PXDC1: variants seen among roughly 807,000 people sequenced by gnomAD.
The protein encoded by PXDC1 is PX domain-containing protein 1.
PXDC1 carries 13 observed loss-of-function variants against 24.4 expected under a neutral mutation model. That is an observed-to-expected ratio of 0.53 (90% CI 0.35 to 0.85). The LOEUF (loss-of-function observed/expected upper bound fraction) is 0.85. Among genes scored for constraint, PXDC1 ranks in the 40% least tolerant of loss-of-function variants. PXDC1 has a pLI of 0.01. For synonymous variants in PXDC1, 162 were observed against 124.9 expected (o/e 1.30, Z -1.98); for missense variants, 344 against 309.3 (o/e 1.11, Z -0.84).
At position 3,737,215 on chromosome 6, in the gene PXDC1, A is replaced by T; in HGVS notation, c.349-19T>A. 6.5e-7 allele frequency: 1 copy of T among 1,543,620 alleles called. No individual in the cohort carries two copies. On this transcript the variant is annotated intron_variant, in intron 2 of 4. Coordinates refer to ENST00000380283, the MANE Select transcript of PXDC1 (RefSeq NM_183373.4). This position sits in a 1 kb window ranked among gnomAD's most constrained non-coding sequence, Gnocchi z 5.5. The stretch of plus-strand genomic sequence containing the variant: ...TAGAATACTGGGGAGAAATGCAGGG[A>T]TTACTAAAAACGATCAGCCTCTACA...
chr6:3,744,992 G>A (rs77251432), intron 1 of PXDC1, among the ~76,000 whole-genome samples: 13,809 of 152,280 alleles, frequency 0.091, 814 homozygotes, highest in East Asian at 0.35. Context: ...GAGCCACCGC[G>A]GCAGCCATTC....
At chr6:3,739,792 T>G (rs1561736990) in intron 1 of PXDC1, among the ~76,000 whole-genome samples, 1 of 152,218 alleles carries the variant, frequency 6.6e-6, no homozygotes, top group Non-Finnish European at 1.5e-5. Context: ...AATATTTATA[T>G]ACCGCAATTT....
intron 1 of PXDC1, 138 bp from the exon 2 acceptor site, chr6:3,738,286 T>C (rs1404593268): frequency 7.1e-6 from 5 of 700,216 alleles, no homozygotes; most frequent in Non-Finnish European, 1.3e-5. Flanking sequence ...TTCAGCCTTA[T>C]GCACCTATAG....
intron 1 of PXDC1, among the ~76,000 whole-genome samples, chr6:3,750,752 G>T (rs551870249): frequency 1.3e-5 from 2 of 152,248 alleles, no homozygotes; most frequent in East Asian, 3.9e-4. Context: ...AGGAGGGACG[G>T]AAGGGCTGCG....
intron 3 of PXDC1, among the ~76,000 whole-genome samples, chr6:3,732,042 C>T (rs1308468510): frequency 3.3e-5 from 5 of 152,252 alleles, no homozygotes; most frequent in Non-Finnish European, 7.3e-5. Context: ...TATGCAAATC[C>T]TGTTTCTCCT....
chr6:3,737,106 TG>T lies in PXDC1; in HGVS notation c.438del (p.Ser147AlafsTer12), dbSNP rs1760335227. The T allele has an allele frequency of 1.2e-6, 2 of 1,612,576 alleles. No individual in the cohort carries two copies. The highest frequency in any genetic ancestry group is 1.7e-6 in the Non-Finnish European group (2 of 1,178,536). On this transcript the variant is annotated frameshift_variant, in exon 3 of 5. Transcript: ENST00000380283. LOFTEE classifies it high-confidence loss of function. This position sits in a 1 kb window ranked among gnomAD's most constrained non-coding sequence, Gnocchi z 5.5. ...LKNDNVHKIQPSFQSPVKISE... is the reference protein window; with the variant it reads ...LKNDNVHKIQXSFQSPVKISE... Reference sequence around the variant, plus strand: ...GATATTTTGACTGGACTTTGAAAGCTGGGTTGAATTTTATGCACATTATCAT... The same window carrying T: ...GATATTTTGACTGGACTTTGAAAGCTGGTTGAATTTTATGCACATTATCAT...
intron 3 of PXDC1, among the ~76,000 whole-genome samples, chr6:3,732,744 C>A (rs1213991667): frequency 1.3e-5 from 2 of 152,270 alleles, no homozygotes; most frequent in East Asian, 3.9e-4. Flanking sequence ...GAGCTCCTGA[C>A]AACTAAACGA....
chr6:3,737,634 G>A lies in PXDC1; in HGVS notation c.348+423C>T, dbSNP rs1390906566. 9 of 984,840 alleles carry A rather than the reference G, an allele frequency of 9.1e-6. No individual in the cohort carries two copies. The highest frequency in any genetic ancestry group is 1.0e-3 in the Middle Eastern group (2 of 1,936). The allele number at this position is 984,840 out of a possible 1,614,324, so 61.0% of individuals were successfully genotyped here. ...AGGCTTACATGGAAAGGGAGTTGAC[G>A]GTCAAATCCGGGCAACGTGCCCCGC... On this transcript the variant is annotated intron_variant, in intron 2 of 4. Coordinates refer to ENST00000380283, the MANE Select transcript of PXDC1 (RefSeq NM_183373.4). This position sits in a 1 kb window ranked among gnomAD's most constrained non-coding sequence, Gnocchi z 5.5.
rs780955568 is a variant in PXDC1 at position 3,737,185 on chromosome 6, C to T, written c.360G>A (p.Ser120=). ...IISMPCKYSR[S]EVVLTFFERS... ...TTTCGAAGAAGGTGAGCACAACTTC[C>T]GATCTAGAATACTGGGGAGAAATGC... The change falls in exon 3 of 5, where the codon TCG becomes TCA. Residue 120 remains serine, a synonymous_variant. Transcript: ENST00000380283. The surrounding 1 kb of genome is among the most constrained non-coding windows in gnomAD (Gnocchi z 5.5). 8 of 1,606,086 alleles carry T rather than the reference C, an allele frequency of 5.0e-6. No individual in the cohort carries two copies. The highest frequency in any genetic ancestry group is 1.7e-4 in the Middle Eastern group (1 of 6,046).
chr6:3,743,963 C>T (rs116112324), intron 1 of PXDC1, among the ~76,000 whole-genome samples: 1,695 of 152,326 alleles, frequency 0.011, 34 homozygotes, highest in African/African-American at 0.038. Context: ...AGGACCCAAG[C>T]TGGGGGCTGA....
In PXDC1 at chr6:3,725,090, A is replaced by G. The variant is rs145041481; in HGVS notation, c.579-1354T>C. 5.8e-4 allele frequency among the ~76,000 whole-genome samples: 89 copies of G among 152,240 alleles called. No homozygotes were observed. The highest frequency in any genetic ancestry group is 2.1e-3 in the African/African-American group (86 of 41,560). ...CTCACGGAGACAGAGCAGCTCTCCA[A>G]CTTCATCCAGGGAATGAAATCTCTT... On this transcript the variant is annotated intron_variant, in intron 4 of 4. Transcript: ENST00000380283. The surrounding 1 kb of genome is among the most constrained non-coding windows in gnomAD (Gnocchi z 4.8).
rs752996947 is a variant in PXDC1, at chr6:3,727,575, A to G, written c.554T>C (p.Leu185Pro). The G allele has an allele frequency of 1.9e-6, 3 of 1,611,858 alleles. No homozygotes were observed. In the South Asian group the frequency reaches 3.3e-5, roughly 18 times the overall value. The change falls in exon 4 of 5, where the codon CTG becomes CCG. Residue 185 changes from leucine to proline, a missense_variant. By Grantham distance (98) the Leu-to-Pro change is moderately conservative. Coordinates refer to ENST00000380283, the MANE Select transcript of PXDC1 (RefSeq NM_183373.4). ...CAAATGCTCTGTTGGGTCCACGCCC[A>G]GCTGCTGGTCTCTTCCATTTGGTAT... ...HSIPNGRDQQ[L>P]GVDPTEHLFE... is the part of the protein sequence containing the mutation.
intron 1 of PXDC1, among the ~76,000 whole-genome samples, chr6:3,746,879 G>C (rs569655189): frequency 1.2e-4 from 19 of 152,214 alleles, no homozygotes; most frequent in African/African-American, 4.3e-4. Flanking sequence ...AGAGCTGTCA[G>C]GGTTGTGGGA....
At chr6:3,732,122 G>C (rs191264794) in intron 3 of PXDC1, among the ~76,000 whole-genome samples, 2 of 152,368 alleles carry the variant, frequency 1.3e-5, no homozygotes, top group Admixed American at 1.3e-4. Context: ...CAATGTGTCT[G>C]TTTGCCTGAT....
chr6:3,742,571 C>A (rs759206264), intron 1 of PXDC1, among the ~76,000 whole-genome samples: 1 of 152,126 alleles, frequency 6.6e-6, no homozygotes, highest in Non-Finnish European at 1.5e-5. Context: ...CAGCAGGGGG[C>A]GCGCGCACTC....
Position 3,723,560 on chromosome 6 carries a change from G to T in PXDC1, c.*59C>A. 7.6e-7 allele frequency: 1 copy of T among 1,311,450 alleles called. No individual in the cohort carries two copies. Among genetic ancestry groups the T allele is most frequent in the Non-Finnish European group, 1.1e-6 (1 of 906,944 alleles). 81.2% of individuals were successfully genotyped at this position (1,311,450 alleles called of 1,614,324 possible). On this transcript the variant is annotated 3_prime_UTR_variant, in exon 5 of 5. Transcript: ENST00000380283. ...AGCTGTGACCATGGGGGCCAGCACA[G>T]TGGACAGCATCAGAGCTGGCAGTGA...
At chr6:3,743,915 A>G (rs1315181583) in intron 1 of PXDC1, among the ~76,000 whole-genome samples, 1 of 152,186 alleles carries the variant, frequency 6.6e-6, no homozygotes, top group Non-Finnish European at 1.5e-5. Flanking sequence ...ATGCAAGAGG[A>G]AGAGATGGAA....
chr6:3,737,711 C>A lies in PXDC1; in HGVS notation c.348+346G>T. The A allele has an allele frequency of 2.0e-6, 2 of 985,284 alleles. No individual in the cohort carries two copies. The highest frequency in any genetic ancestry group is 2.4e-6 in the Non-Finnish European group (2 of 829,810). The allele number at this position is 985,284 out of a possible 1,614,324, so 61.0% of individuals were successfully genotyped here. A position where few individuals can be genotyped will look rare whatever the true frequency, so the allele number is the denominator to read the frequency against. ...TTTCCACGTGTCTGTTCTAAAATCC[C>A]CTCAGCAAGACGGTGGATTCTGAGC... On this transcript the variant is annotated intron_variant, in intron 2 of 4. Transcript: ENST00000380283. The surrounding 1 kb of genome is among the most constrained non-coding windows in gnomAD (Gnocchi z 5.5).
chr6:3,749,013 T>C (rs184462104), intron 1 of PXDC1, among the ~76,000 whole-genome samples: 2 of 152,346 alleles, frequency 1.3e-5, no homozygotes, highest in Admixed American at 6.5e-5. Context: ...GGATATATTT[T>C]ACTTGGCAAA....
Sources: gnomAD v4.1 joint callset for allele counts (sites outside exome capture counted in the v4.1 genomes callset) on GRCh38, gnomAD v4.1.1 for gene constraint, Gnocchi (gnomAD v3.1) non-coding constraint, MANE v1.5 for transcripts, NCBI Gene and HGNC (gene_info 2026-07-23, HGNC 2026-07-21) for gene names.